NCKAP5: variants seen among roughly 807,000 people sequenced by gnomAD.
The protein encoded by NCKAP5 is NCK associated protein 5.
A neutral mutation model predicts 167.0 loss-of-function variants in NCKAP5; 92 were observed. The ratio of observed to expected loss-of-function variants is 0.55; its 90% confidence interval spans 0.47 to 0.66. NCKAP5 has a LOEUF of 0.66. Among genes scored for constraint, NCKAP5 ranks in the 30% least tolerant of loss-of-function variants. The pLI is 0.00. For missense variants in NCKAP5, 2,378 were observed against 2,315.0 expected, an observed-to-expected ratio of 1.03 and a Z score of -0.56; for synonymous variants, 891 against 877.4, an observed-to-expected ratio of 1.02 and a Z score of -0.27.
At chr2:133,023,019 G>C (rs1261098363) in intron 6 of NCKAP5, among the ~76,000 whole-genome samples, 2 of 152,182 alleles carry the variant, frequency 1.3e-5, no homozygotes, top group East Asian at 3.9e-4. Context: ...GAGCTTGGAA[G>C]CCAGTCCTTC....
At chr2:132,689,554 G>T (rs759173443) in intron 19 of NCKAP5, among the ~76,000 whole-genome samples, 38 of 152,308 alleles carry the variant, frequency 2.5e-4, no homozygotes, top group Non-Finnish European at 4.3e-4. Context: ...GCTACTCAGA[G>T]TTCATTGCTT....
chr2:133,355,788 G>T (rs570527173), intron 3 of NCKAP5, among the ~76,000 whole-genome samples: 1 of 152,134 alleles, frequency 6.6e-6, no homozygotes, highest in African/African-American at 2.4e-5. Context: ...CTCAAACCTT[G>T]CGTGTGGAGT....
intron 11 of NCKAP5, among the ~76,000 whole-genome samples, chr2:132,799,435 C>T (rs1684859308): frequency 6.6e-6 from 1 of 152,116 alleles, no homozygotes; most frequent in African/African-American, 2.4e-5. Flanking sequence ...AACAAAGTCA[C>T]AACATCCAAT....
At chr2:133,599,963 C>T in the NCKAP5 span, among the ~76,000 whole-genome samples, 2 of 152,200 alleles carry the variant, frequency 1.3e-5, no homozygotes, top group Non-Finnish European at 2.9e-5. Context: ...TGAGCGAATG[C>T]CAAAAGATTT....
At chr2:133,105,790 T>A (rs2081664503) in intron 6 of NCKAP5, among the ~76,000 whole-genome samples, 1 of 152,184 alleles carries the variant, frequency 6.6e-6, no homozygotes, top group Non-Finnish European at 1.5e-5. Flanking sequence ...TTAAATAGCA[T>A]CTCTTAAAAA....
At chr2:133,559,793 T>C (rs2105011486) in intron 1 of NCKAP5, among the ~76,000 whole-genome samples, 1 of 152,188 alleles carries the variant, frequency 6.6e-6, no homozygotes, top group East Asian at 1.9e-4. Flanking sequence ...TCTGCATTAA[T>C]TGACTCCAAA....
Position 133,354,980 on chromosome 2 carries a change from T to C in NCKAP5, c.70-51870A>G, listed in dbSNP as rs184964383. Among the ~76,000 whole-genome samples the C allele has an allele frequency of 6.5e-4, 99 of 152,350 alleles. 1 individual carries two copies. Among genetic ancestry groups the C allele is most frequent in the African/African-American group, 2.3e-3 (95 of 41,586 alleles). On this transcript the variant is annotated intron_variant, in intron 3 of 19. Coordinates refer to ENST00000409261, the MANE Select transcript of NCKAP5 (RefSeq NM_207363.3). ...GTGTGGAATAAAATATTTACACTTTTTAACATTTGTATTTAAAATACTCAT... is the reference window on the plus strand; with the variant it reads ...GTGTGGAATAAAATATTTACACTTTCTAACATTTGTATTTAAAATACTCAT...
At chr2:133,133,784 C>T (rs187860602) in intron 5 of NCKAP5, among the ~76,000 whole-genome samples, 7 of 152,158 alleles carry the variant, frequency 4.6e-5, no homozygotes, top group Admixed American at 3.3e-4. Flanking sequence ...AACAATTCAG[C>T]AATAGTGGTT....
chr2:132,998,822 C>G (rs1461855991), intron 6 of NCKAP5, among the ~76,000 whole-genome samples: 6 of 152,160 alleles, frequency 3.9e-5, no homozygotes, highest in Admixed American at 3.3e-4. Flanking sequence ...ATTCCTCCCT[C>G]TCCCTCTGGT....
chr2:133,613,549 G>A, the NCKAP5 span, among the ~76,000 whole-genome samples: 2 of 152,298 alleles, frequency 1.3e-5, no homozygotes, highest in Non-Finnish European at 2.9e-5. Context: ...AAATAGAATA[G>A]TCTAAGATAT....
At chr2:133,608,249 T>C in the NCKAP5 span, among the ~76,000 whole-genome samples, 1 of 152,192 alleles carries the variant, frequency 6.6e-6, no homozygotes. Context: ...GATGATCAAA[T>C]TGCTCTTCTC....
chr2:132,971,562 G>A (rs775156069), intron 7 of NCKAP5, among the ~76,000 whole-genome samples: 6 of 152,142 alleles, frequency 3.9e-5, no homozygotes, highest in Non-Finnish European at 8.8e-5. Context: ...GATGGGTTGG[G>A]GGAAGTTAAC....
At chr2:133,016,762 C>G (rs970308061) in intron 6 of NCKAP5, among the ~76,000 whole-genome samples, 5 of 152,116 alleles carry the variant, frequency 3.3e-5, no homozygotes, top group Admixed American at 3.3e-4. Flanking sequence ...TAGAACAGAG[C>G]TAATGGCCAC....
Position 132,768,044 on chromosome 2 carries a change from T to C in NCKAP5, c.5128+5772A>G, listed in dbSNP as rs186821348. ...AGAGACTAGGAGTACACCCAGACAA[T>C]GGGGGAGGGTAATTAGCTCTCATTG... On this transcript the variant is annotated intron_variant, in intron 16 of 19. Coordinates refer to ENST00000409261, the MANE Select transcript of NCKAP5 (RefSeq NM_207363.3). Among the ~76,000 whole-genome samples the C allele has an allele frequency of 3.5e-3, 530 of 152,300 alleles. 2 individuals carry two copies. Among genetic ancestry groups the C allele is most frequent in the Middle Eastern group, 0.02 (6 of 294 alleles).
intron 10 of NCKAP5, among the ~76,000 whole-genome samples, chr2:132,861,202 T>C (rs1298029993): frequency 6.6e-6 from 1 of 152,150 alleles, no homozygotes; most frequent in Non-Finnish European, 1.5e-5. Flanking sequence ...CTTCTGGGGC[T>C]TTCTGGTCTC....
chr2:133,111,644 G>T (rs553208832), intron 6 of NCKAP5, among the ~76,000 whole-genome samples: 1 of 152,262 alleles, frequency 6.6e-6, no homozygotes, highest in South Asian at 2.1e-4. Flanking sequence ...ATGGCAACAA[G>T]AACATTCTCT....
chr2:133,080,288 A>C (rs1269801144), intron 6 of NCKAP5, among the ~76,000 whole-genome samples: 1 of 152,148 alleles, frequency 6.6e-6, no homozygotes, highest in Non-Finnish European at 1.5e-5. Flanking sequence ...AATGTTTGGG[A>C]AGATGTCAGG....
chr2:133,402,945 G>A (rs1688194541), intron 3 of NCKAP5, among the ~76,000 whole-genome samples: 1 of 152,182 alleles, frequency 6.6e-6, no homozygotes, highest in Non-Finnish European at 1.5e-5. Context: ...TTTCTGTTAA[G>A]AATTTCTAGT....
chr2:132,920,779 A>ATG (rs1227435162), intron 8 of NCKAP5, among the ~76,000 whole-genome samples: 20 of 18,844 alleles, frequency 1.1e-3, no homozygotes, highest in African/African-American at 6.4e-3. Context: ...ATGTATATAT[A>ATG]TATATATATA....
Sources: allele counts gnomAD v4.1 joint callset (sites outside exome capture counted in the v4.1 genomes callset), GRCh38; gene constraint gnomAD v4.1.1; transcripts MANE v1.5; gene names NCBI Gene and HGNC (gene_info 2026-07-23, HGNC 2026-07-21).